GRAMD1C: variants seen among roughly 807,000 people sequenced by gnomAD.
GRAMD1C encodes the protein protein Aster-C.
A neutral mutation model predicts 97.8 loss-of-function variants in GRAMD1C; 89 were observed. That is an observed-to-expected ratio of 0.91 (90% confidence interval 0.77 to 1.09). The LOEUF (loss-of-function observed/expected upper bound fraction) is 1.09. Ranked by LOEUF, GRAMD1C falls within the 50% of genes least tolerant of loss-of-function variation. The probability of loss-of-function intolerance (pLI) is 0.00; values close to 1 mark genes in which losing one functional copy is unlikely to be tolerated. For missense variants in GRAMD1C, 740 were observed against 766.4 expected, an observed-to-expected ratio of 0.97 and a Z score of 0.41; for synonymous variants, 256 against 267.0, an observed-to-expected ratio of 0.96 and a Z score of 0.40.
intron 2 of GRAMD1C, among the ~76,000 whole-genome samples, chr3:113,868,198 A>C (rs1014529187): frequency 1.3e-5 from 2 of 152,018 alleles, no homozygotes; most frequent in Non-Finnish European, 2.9e-5. Context: ...ACTTTCCTTT[A>C]GTTCTTTAAG....
At chr3:113,882,557 G>A (rs1261103026) in intron 5 of GRAMD1C, among the ~76,000 whole-genome samples, 195 bp from the exon 6 acceptor site, 2 of 152,056 alleles carry the variant, frequency 1.3e-5, no homozygotes, top group Non-Finnish European at 2.9e-5. Context: ...AATTAGTAAA[G>A]ACACCTTGTT....
At chr3:113,909,785 C>A (rs928977506) in intron 9 of GRAMD1C, among the ~76,000 whole-genome samples, 4 of 152,138 alleles carry the variant, frequency 2.6e-5, no homozygotes, top group African/African-American at 9.7e-5. Flanking sequence ...GAAAGGAAAT[C>A]TTTCTCTCTG....
At chr3:113,833,119 T>TC (rs1207540196) in intron 1 of GRAMD1C, among the ~76,000 whole-genome samples, 1 of 132,230 alleles carries the variant, frequency 7.6e-6, no homozygotes, top group Non-Finnish European at 1.6e-5. Context: ...TTTCTTTCTT[T>TC]CTTTTTTTTT....
intron 14 of GRAMD1C, among the ~76,000 whole-genome samples, chr3:113,937,075 C>G (rs1421640186): frequency 6.6e-6 from 1 of 152,206 alleles, no homozygotes; most frequent in Admixed American, 6.5e-5. Context: ...AATTCAATTT[C>G]TACGTTTGAG....
intron 10 of GRAMD1C, chr3:113,919,251 A>G (rs1936947489): frequency 5.0e-6 from 2 of 398,516 alleles, no homozygotes; most frequent in Non-Finnish European, 9.8e-6. Flanking sequence ...TTTTTGGTCC[A>G]GTTTGTGAGA....
chr3:113,844,450 T>A (rs932196536), intron 1 of GRAMD1C, 53 bp from the exon 2 acceptor site: 8 of 1,269,396 alleles, frequency 6.3e-6, no homozygotes, highest in Non-Finnish European at 9.1e-6. Context: ...TTTTTCTTTT[T>A]AAAATGGCCA....
intron 6 of GRAMD1C, among the ~76,000 whole-genome samples, chr3:113,898,700 G>C (rs1233041052): frequency 3.3e-5 from 5 of 152,048 alleles, no homozygotes; most frequent in Non-Finnish European, 7.4e-5. Flanking sequence ...TTTCCAGTGA[G>C]AATTTATTAG....
At chr3:113,883,465 C>T (rs572160079) in intron 6 of GRAMD1C, among the ~76,000 whole-genome samples, 1 of 146,186 alleles carries the variant, frequency 6.8e-6, no homozygotes, top group South Asian at 2.4e-4. Context: ...GTCGAGGCTG[C>T]GGTGAGCCAT....
At position 113,893,300 on chromosome 3, in the gene GRAMD1C, G is replaced by T. The variant is rs146579895; in HGVS notation, c.541-7731G>T. On this transcript the variant is annotated intron_variant, in intron 6 of 17. Transcript: ENST00000358160. ...AATAAAAACCTAAAAATCTCTGTAG[G>T]GACCACATAATCAAGACCCTTCCCA... 4.6e-4 allele frequency among the ~76,000 whole-genome samples: 69 copies of T among 151,640 alleles called. 1 individual carries two copies. In the East Asian group the frequency reaches 0.013, roughly 29 times the overall value.
chr3:113,840,087 C>A (rs1052741310), intron 1 of GRAMD1C, among the ~76,000 whole-genome samples: 5 of 152,162 alleles, frequency 3.3e-5, no homozygotes, highest in African/African-American at 1.2e-4. Context: ...CTGCCTCAGA[C>A]TCCCCAGTAG....
chr3:113,915,639 A>T, intron 9 of GRAMD1C, 62 bp from the exon 10 acceptor site: 1 of 1,411,018 alleles, frequency 7.1e-7, no homozygotes, highest in Non-Finnish European at 9.8e-7. Flanking sequence ...GAAACCCCCT[A>T]AAGCCTTAAA....
chr3:113,848,968 AT>A (rs1367136231), intron 2 of GRAMD1C, among the ~76,000 whole-genome samples: 3 of 114,398 alleles, frequency 2.6e-5, no homozygotes, highest in South Asian at 3.4e-4. Flanking sequence ...TAGTAAAAAA[AT>A]ATATAGCAAA....
rs200996743 is a variant in GRAMD1C, at chr3:113,882,778, G to A, written c.486G>A (p.Arg162=). 144 of 1,594,688 alleles carry A rather than the reference G, an allele frequency of 9.0e-5. No homozygotes were observed. In the East Asian group the frequency reaches 2.9e-3, roughly 32 times the overall value. The change falls in exon 6 of 18, where the codon AGG becomes AGA. Residue 162 remains arginine, a synonymous_variant. Coordinates refer to ENST00000358160, the MANE Select transcript of GRAMD1C (RefSeq NM_017577.5). ...EKFFFTSFGA[R]DRSYLSIFRL... Reference sequence around the variant, plus strand: ...TTTTCTTCACATCTTTTGGTGCCAGGGATAGAAGTTACCTCAGTATCTTTA... The same window carrying A: ...TTTTCTTCACATCTTTTGGTGCCAGAGATAGAAGTTACCTCAGTATCTTTA...
At chr3:113,914,835 T>C (rs1048286549) in intron 9 of GRAMD1C, among the ~76,000 whole-genome samples, 1 of 152,192 alleles carries the variant, frequency 6.6e-6, no homozygotes, top group Non-Finnish European at 1.5e-5. Flanking sequence ...ATTTCTGTGA[T>C]TCTGTTTCCC....
At chr3:113,839,016 C>T in intron 1 of GRAMD1C, 80 bp downstream of exon 1, 3 of 883,040 alleles carry the variant, frequency 3.4e-6, no homozygotes, top group Non-Finnish European at 4.5e-6. Flanking sequence ...CTTGAACCTT[C>T]TCAGATTACA....
At chr3:113,859,639 C>G (rs574585247) in intron 2 of GRAMD1C, among the ~76,000 whole-genome samples, 3 of 152,122 alleles carry the variant, frequency 2.0e-5, no homozygotes, top group Admixed American at 6.5e-5. Flanking sequence ...GAAACAGACT[C>G]AAGAAGAAAG....
intron 5 of GRAMD1C, among the ~76,000 whole-genome samples, chr3:113,878,990 C>T (rs13066402): frequency 0.15 from 23,196 of 151,860 alleles, 2,134 homozygotes; most frequent in Non-Finnish European, 0.21. Flanking sequence ...GTGGATCACG[C>T]GGTCAGGAGT....
At chr3:113,911,791 G>A (rs996005186) in intron 9 of GRAMD1C, among the ~76,000 whole-genome samples, 18 of 140,760 alleles carry the variant, frequency 1.3e-4, no homozygotes, top group African/African-American at 4.3e-4. Flanking sequence ...GCAGTAGCAC[G>A]ATCTCGGCTC....
intron 6 of GRAMD1C, among the ~76,000 whole-genome samples, chr3:113,895,829 C>T (rs930965126): frequency 1.3e-5 from 2 of 152,142 alleles, no homozygotes; most frequent in East Asian, 3.8e-4. Context: ...GCCAGCCAGC[C>T]GTGTCTAGTT....
Sources: allele counts gnomAD v4.1 joint callset (sites outside exome capture counted in the v4.1 genomes callset), GRCh38; gene constraint gnomAD v4.1.1; transcripts MANE v1.5; gene names NCBI Gene and HGNC (gene_info 2026-07-23, HGNC 2026-07-21).